The following LAMB1 variants were observed in gnomAD, a reference collection of about 807,000 sequenced individuals.
LAMB1 encodes the protein laminin subunit beta 1.
In LAMB1, 121 loss-of-function variants were observed where a neutral mutation model predicts 222.3. The observed-to-expected ratio is 0.54, with a 90% confidence interval of 0.47 to 0.63. The LOEUF (loss-of-function observed/expected upper bound fraction) is 0.63, where lower values mean the gene tolerates loss of function less well. Among genes scored for constraint, LAMB1 ranks in the 30% least tolerant of loss-of-function variants. The probability of loss-of-function intolerance (pLI) is 0.00; values close to 1 mark genes in which losing one functional copy is unlikely to be tolerated. For missense variants in LAMB1, 2,172 were observed against 2,240.8 expected, an observed-to-expected ratio of 0.97 and a Z score of 0.62; for synonymous variants, 794 against 807.2, an observed-to-expected ratio of 0.98 and a Z score of 0.28.
intron 4 of LAMB1, among the ~76,000 whole-genome samples, 175 bp downstream of exon 4, chr7:107,998,182 G>A (rs1323400490): frequency 6.6e-6 from 1 of 152,150 alleles, no homozygotes; most frequent in Non-Finnish European, 1.5e-5. Flanking sequence ...ACATGCTTCA[G>A]GAAGAAGGAT....
At chr7:107,974,431 T>C (rs867252162) in intron 12 of LAMB1, among the ~76,000 whole-genome samples, 1 of 152,134 alleles carries the variant, frequency 6.6e-6, no homozygotes, top group South Asian at 2.1e-4. Flanking sequence ...CAACCAAATA[T>C]TACATTGTAT....
intron 12 of LAMB1, 25 bp from the exon 13 acceptor site, chr7:107,973,096 T>A: frequency 6.3e-7 from 1 of 1,588,758 alleles, no homozygotes. Context: ...GTGAAACATG[T>A]AACGGTAGGT....
intron 24 of LAMB1, chr7:107,940,591 T>C: frequency 1.9e-6 from 1 of 523,200 alleles, no homozygotes; most frequent in Non-Finnish European, 3.4e-6. Flanking sequence ...ATGTTTTATA[T>C]GAATGATCCC....
intron 5 of LAMB1, among the ~76,000 whole-genome samples, chr7:107,988,562 T>C (rs1012093183): frequency 3.9e-5 from 6 of 152,216 alleles, no homozygotes; most frequent in African/African-American, 1.4e-4. Context: ...CCTCATTACA[T>C]TCTTTACTTT....
intron 24 of LAMB1, among the ~76,000 whole-genome samples, chr7:107,948,857 T>C (rs2033183136): frequency 6.6e-6 from 1 of 152,132 alleles, no homozygotes; most frequent in African/African-American, 2.4e-5. Flanking sequence ...CATAAAGCCA[T>C]GTGATCTTTG....
At chr7:107,939,588 C>T (rs2032932066) in intron 25 of LAMB1, among the ~76,000 whole-genome samples, 1 of 152,132 alleles carries the variant, frequency 6.6e-6, no homozygotes, top group East Asian at 1.9e-4. Flanking sequence ...TTATCCTACC[C>T]CTTCTCCACA....
Position 108,001,735 on chromosome 7 carries a change from T to C in LAMB1, c.38-2A>G. 6.2e-7 allele frequency: 1 copy of C among 1,608,486 alleles called. No homozygotes were observed. The highest frequency in any genetic ancestry group is 8.5e-7 in the Non-Finnish European group (1 of 1,178,450). ...CGCGCACTCGGGCTCTGCACAGGGC[T>C]GCGGGAAGGACAGGCAACAGAGTTG... is the stretch of plus-strand genomic sequence containing the variant. On this transcript the variant is annotated splice_acceptor_variant, in intron 2 of 33. Coordinates refer to ENST00000222399, the MANE Select transcript of LAMB1 (RefSeq NM_002291.3). LOFTEE classifies it high-confidence loss of function.
In LAMB1 at chr7:107,923,877, G is replaced by A. The variant is rs1033829868; in HGVS notation, c.*74C>T. ...CATTAAATAGGTGATGTTTTATTTTGAAGAGCATTAAGTCAGTTTTTAAAA... is the reference window on the plus strand; with the variant it reads ...CATTAAATAGGTGATGTTTTATTTTAAAGAGCATTAAGTCAGTTTTTAAAA... On this transcript the variant is annotated 3_prime_UTR_variant, in exon 34 of 34. Coordinates refer to ENST00000222399, the MANE Select transcript of LAMB1 (RefSeq NM_002291.3). The A allele has an allele frequency of 1.8e-5, 24 of 1,322,002 alleles. No individual in the cohort carries two copies. Among genetic ancestry groups the A allele is most frequent in the Non-Finnish European group, 2.5e-5 (24 of 953,784 alleles). The allele number at this position is 1,322,002 out of a possible 1,614,324, so 81.9% of individuals were successfully genotyped here.
intron 13 of LAMB1, among the ~76,000 whole-genome samples, chr7:107,972,030 G>A (rs528255462): frequency 6.6e-6 from 1 of 152,182 alleles, no homozygotes; most frequent in Non-Finnish European, 1.5e-5. Flanking sequence ...ACAGCATTCT[G>A]TCTTTCTTCC....
intron 21 of LAMB1, among the ~76,000 whole-genome samples, chr7:107,955,049 A>G (rs1452180679): frequency 6.6e-6 from 1 of 152,360 alleles, no homozygotes; most frequent in East Asian, 1.9e-4. Flanking sequence ...ATTAACAGTG[A>G]AGAATATATT....
chr7:107,986,371 C>T lies in LAMB1; in HGVS notation c.424-8G>A. ...AGCAGCTGGACGGAATGTCTAAAGG[C>T]AGGAGCAAAAATCTCATTTGATGTT... On this transcript the variant is annotated splice_polypyrimidine_tract_variant and splice_region_variant and intron_variant, in intron 5 of 33. Transcript: ENST00000222399. 1 of 1,557,812 alleles carries T rather than the reference C, an allele frequency of 6.4e-7. No homozygotes were observed. The highest frequency in any genetic ancestry group is 8.7e-7 in the Non-Finnish European group (1 of 1,150,918).
chr7:107,927,688 G>A (rs563939225), intron 31 of LAMB1, among the ~76,000 whole-genome samples: 1 of 152,280 alleles, frequency 6.6e-6, no homozygotes, highest in African/African-American at 2.4e-5. Flanking sequence ...TGAGAAAATG[G>A]AAAAACCTAG....
At chr7:108,002,272 G>T in intron 2 of LAMB1, 1 of 1,311,970 alleles carries the variant, frequency 7.6e-7, no homozygotes, top group East Asian at 5.3e-5. Flanking sequence ...GAGGCGCCGG[G>T]GCTCGCGGTG....
At chr7:107,972,926 C>CAT in intron 13 of LAMB1, 66 bp downstream of exon 13, 1 of 1,218,982 alleles carries the variant, frequency 8.2e-7, no homozygotes, top group East Asian at 2.3e-5. Flanking sequence ...TGAATGTCAC[C>CAT]CATTCCTGTA....
chr7:107,960,200 T>C (rs2033467618), intron 18 of LAMB1, among the ~76,000 whole-genome samples: 1 of 152,232 alleles, frequency 6.6e-6, no homozygotes, highest in Non-Finnish European at 1.5e-5. Context: ...GGAAATGCTT[T>C]ATCCTCATGG....
chr7:107,975,272 A>C lies in LAMB1; in HGVS notation c.1331T>G (p.Phe444Cys), dbSNP rs745476353. The C allele has an allele frequency of 6.2e-7, 1 of 1,614,128 alleles. No homozygotes were observed. Among genetic ancestry groups the C allele is most frequent in the South Asian group, 1.1e-5 (1 of 91,030 alleles). ...GEHCDVCKEG[F>C]YDLSSEDPFG... ...TGGATCTTCACTGCTTAAATCATAGAAGCCTTCTTTGCAAACATCACAATG... is the reference window on the plus strand; with the variant it reads ...TGGATCTTCACTGCTTAAATCATAGCAGCCTTCTTTGCAAACATCACAATG... Residue 444 changes from phenylalanine to cysteine, a missense_variant, in exon 11 of 34, where the codon TTC becomes TGC. Coordinates refer to ENST00000222399, the MANE Select transcript of LAMB1 (RefSeq NM_002291.3).
intron 4 of LAMB1, among the ~76,000 whole-genome samples, chr7:107,995,174 C>G (rs752008179): frequency 7.2e-5 from 11 of 152,198 alleles, no homozygotes; most frequent in Non-Finnish European, 1.5e-4. Context: ...TTCCACAAAT[C>G]ATTCTGGAGT....
At chr7:107,929,971 G>A (rs369581001) in intron 29 of LAMB1, 12 of 314,268 alleles carry the variant, frequency 3.8e-5, no homozygotes, top group South Asian at 2.6e-4. Flanking sequence ...AGTATGTTAC[G>A]GGAAAGTATA....
chr7:107,990,387 T>A (rs938181146), intron 5 of LAMB1, among the ~76,000 whole-genome samples: 3 of 152,144 alleles, frequency 2.0e-5, no homozygotes, highest in African/African-American at 7.2e-5. Context: ...AAACATACTG[T>A]GTACATGCTA....
Sources: gnomAD v4.1 joint callset for allele counts (sites outside exome capture counted in the v4.1 genomes callset) on GRCh38, gnomAD v4.1.1 for gene constraint, MANE v1.5 for transcripts, NCBI Gene and HGNC (gene_info 2026-07-23, HGNC 2026-07-21) for gene names.